The following PITPNC1 variants were observed in gnomAD, a reference collection of about 807,000 sequenced individuals.
PITPNC1 encodes phosphatidylinositol transfer protein cytoplasmic 1.
Under a neutral mutation model 44.7 loss-of-function variants are expected in PITPNC1, and 18 were observed. The observed-to-expected ratio is 0.40, with a 90% CI of 0.28 to 0.60. The LOEUF (loss-of-function observed/expected upper bound fraction) is 0.60, where lower values mean the gene tolerates loss of function less well. PITPNC1 is among the 20% of genes least tolerant of loss of function. The pLI is 0.39. For synonymous variants in PITPNC1, 141 were observed against 149.6 expected, an observed-to-expected ratio of 0.94 and a Z score of 0.42; for missense variants, 290 against 418.4, an observed-to-expected ratio of 0.69 and a Z score of 2.68.
At chr17:67,439,065 TG>T (rs2038976018) in intron 1 of PITPNC1, among the ~76,000 whole-genome samples, 1 of 152,210 alleles carries the variant, frequency 6.6e-6, no homozygotes, top group African/African-American at 2.4e-5. Flanking sequence ...CACAAGTTTC[TG>T]GTTGGTTTCG....
intron 3 of PITPNC1, among the ~76,000 whole-genome samples, 196 bp downstream of exon 3, chr17:67,552,541 G>A (rs1195900791): frequency 1.3e-5 from 2 of 151,980 alleles, no homozygotes; most frequent in Non-Finnish European, 2.9e-5. Context: ...GGTGACAGGG[G>A]GGTTAAGCTA....
intron 1 of PITPNC1, among the ~76,000 whole-genome samples, chr17:67,384,429 T>TC (rs1426329870): frequency 6.5e-5 from 2 of 31,006 alleles, no homozygotes; most frequent in Admixed American, 3.0e-4. Flanking sequence ...CCTTGTTCTC[T>TC]TTTTTTTTTT....
At chr17:67,533,771 CA>C (rs2040493627) in intron 2 of PITPNC1, among the ~76,000 whole-genome samples, 1 of 152,220 alleles carries the variant, frequency 6.6e-6, no homozygotes, top group South Asian at 2.1e-4. Context: ...TGGAGGTTGT[CA>C]CTCTCCTTTT....
chr17:67,443,562 C>T (rs911981933), intron 1 of PITPNC1, among the ~76,000 whole-genome samples: 1 of 149,988 alleles, frequency 6.7e-6, no homozygotes, highest in African/African-American at 2.5e-5. Context: ...GTGAAAAAGG[C>T]AGGAACAGCA....
rs2040774599 is a variant in PITPNC1, at chr17:67,552,192, A to C, written c.198-65A>C. 3 of 819,892 alleles carry C rather than the reference A, an allele frequency of 3.7e-6. No individual in the cohort carries two copies. The Admixed American group carries it at 5.2e-5, about 14-fold the overall frequency. 50.8% of individuals were successfully genotyped at this position (819,892 alleles called of 1,614,324 possible). On this transcript the variant is annotated intron_variant, in intron 2 of 8. Transcript: ENST00000581322. The stretch of plus-strand genomic sequence containing the variant: ...GATTTCTCCAGCATTTTATCCAGAA[A>C]GATGTGGTAGTGTGGTGAGACTCTG...
rs559496545 is a variant in PITPNC1, at chr17:67,684,213, G to A, written c.683-8359G>A. ...TGCAGCCTCCGTCTCCCAGGTTCAAGCGATTCTTGTACCTCAGCCTCCTGA... is the reference window on the plus strand; with the variant it reads ...TGCAGCCTCCGTCTCCCAGGTTCAAACGATTCTTGTACCTCAGCCTCCTGA... On this transcript the variant is annotated intron_variant, in intron 8 of 8. Coordinates refer to ENST00000581322, the MANE Select transcript of PITPNC1 (RefSeq NM_012417.4). 2.7e-5 allele frequency among the ~76,000 whole-genome samples: 4 copies of A among 149,816 alleles called. No homozygotes were observed. In the South Asian group the frequency reaches 8.5e-4, roughly 32 times the overall value.
chr17:67,527,457 C>T (rs1181553142), intron 1 of PITPNC1, among the ~76,000 whole-genome samples: 1 of 152,218 alleles, frequency 6.6e-6, no homozygotes, highest in Admixed American at 6.5e-5. Flanking sequence ...GTAATCCCAG[C>T]ACTTTGGGAG....
At chr17:67,567,197 C>G (rs1195453966) in intron 4 of PITPNC1, among the ~76,000 whole-genome samples, 1 of 152,078 alleles carries the variant, frequency 6.6e-6, no homozygotes, top group Non-Finnish European at 1.5e-5. Flanking sequence ...TAAGAAATAC[C>G]TGGACAGGCC....
At chr17:67,666,235 A>G (rs947309346) in intron 6 of PITPNC1, among the ~76,000 whole-genome samples, 1 of 152,174 alleles carries the variant, frequency 6.6e-6, no homozygotes, top group Non-Finnish European at 1.5e-5. Flanking sequence ...GCCTCAAGCA[A>G]TCCTCCTGCC....
At chr17:67,463,707 G>A (rs1200666523) in intron 1 of PITPNC1, among the ~76,000 whole-genome samples, 4 of 151,756 alleles carry the variant, frequency 2.6e-5, no homozygotes, top group South Asian at 2.1e-4. Flanking sequence ...TGAGACTGGC[G>A]CTGTGGGCAA....
At chr17:67,510,039 A>G (rs756403027) in intron 1 of PITPNC1, among the ~76,000 whole-genome samples, 1 of 152,064 alleles carries the variant, frequency 6.6e-6, no homozygotes, top group Non-Finnish European at 1.5e-5. Flanking sequence ...TTTTGGAAAG[A>G]TAGGAGGTTC....
chr17:67,608,172 G>C (rs1031414028), intron 5 of PITPNC1, among the ~76,000 whole-genome samples: 3 of 147,216 alleles, frequency 2.0e-5, no homozygotes, highest in African/African-American at 7.5e-5. Context: ...ACATCTTGCC[G>C]ATTATCGCAA....
intron 1 of PITPNC1, among the ~76,000 whole-genome samples, chr17:67,477,984 G>GC (rs1379610621): frequency 1.3e-5 from 2 of 152,164 alleles, no homozygotes; most frequent in African/African-American, 2.4e-5. Context: ...GTCACTGCTG[G>GC]CTTCCCCGAG....
At chr17:67,521,055 C>T (rs564365981) in intron 1 of PITPNC1, among the ~76,000 whole-genome samples, 3 of 152,270 alleles carry the variant, frequency 2.0e-5, no homozygotes, top group East Asian at 3.9e-4. Context: ...TTGTTACTCT[C>T]CTGTACTCAG....
At chr17:67,580,047 T>C (rs2041209008) in intron 5 of PITPNC1, among the ~76,000 whole-genome samples, 1 of 152,182 alleles carries the variant, frequency 6.6e-6, no homozygotes, top group African/African-American at 2.4e-5. Context: ...TAGAGATGAC[T>C]TCTGTTAGCA....
chr17:67,656,116 T>C (rs1429337615), intron 6 of PITPNC1, among the ~76,000 whole-genome samples: 1 of 152,180 alleles, frequency 6.6e-6, no homozygotes, highest in Non-Finnish European at 1.5e-5. Context: ...GGATCTTGAC[T>C]GTACATTCAG....
At chr17:67,538,095 GTAAT>G (rs759125388) in intron 2 of PITPNC1, among the ~76,000 whole-genome samples, 2 of 151,930 alleles carry the variant, frequency 1.3e-5, no homozygotes, top group African/African-American at 2.4e-5. Context: ...AATTACATAA[GTAAT>G]TAAGGCAGTG....
chr17:67,543,679 A>G (rs117191374), intron 2 of PITPNC1, among the ~76,000 whole-genome samples: 5,051 of 152,210 alleles, frequency 0.033, 136 homozygotes, highest in Non-Finnish European at 0.045. Flanking sequence ...AATGCCATTT[A>G]TCCTTTTAAT....
At chr17:67,451,652 T>A (rs12938354) in intron 1 of PITPNC1, among the ~76,000 whole-genome samples, 1 of 150,636 alleles carries the variant, frequency 6.6e-6, no homozygotes, top group Non-Finnish European at 1.5e-5. Flanking sequence ...GTTTTGTTTT[T>A]TTTTGAGACA....
Sources: allele counts gnomAD v4.1 joint callset (sites outside exome capture counted in the v4.1 genomes callset), GRCh38; gene constraint gnomAD v4.1.1; transcripts MANE v1.5; gene names NCBI Gene and HGNC (gene_info 2026-07-23, HGNC 2026-07-21).